The following LIPC variants were observed in gnomAD, a reference collection of about 807,000 sequenced individuals.
LIPC encodes the protein hepatic triacylglycerol lipase.
A neutral mutation model predicts 50.7 loss-of-function variants in LIPC; 44 were observed. The observed-to-expected ratio is 0.87, with a 90% CI of 0.68 to 1.11. The LOEUF (loss-of-function observed/expected upper bound fraction) is 1.11. Ranked by LOEUF, LIPC falls within the 50% of genes most tolerant of loss-of-function variation. LIPC has a pLI of 0.00. For synonymous variants in LIPC, 271 were observed against 256.4 expected (o/e 1.06, Z -0.54); for missense variants, 697 against 648.2 (o/e 1.08, Z -0.82).
chr15:58,527,643 A>G (rs992958998), intron 1 of LIPC, among the ~76,000 whole-genome samples: 2 of 152,152 alleles, frequency 1.3e-5, no homozygotes, highest in African/African-American at 2.4e-5. Flanking sequence ...ACTGTGTGAC[A>G]GTTGTTTATT....
At chr15:58,506,355 A>G (rs12898801) in intron 1 of LIPC, among the ~76,000 whole-genome samples, 93,435 of 151,946 alleles carry the variant, frequency 0.61, 28,798 homozygotes, top group East Asian at 0.72. Context: ...GCATGGGCAC[A>G]TTGAACGGGC....
At chr15:58,479,512 A>G (rs2140769165) in intron 1 of LIPC, among the ~76,000 whole-genome samples, 1 of 152,366 alleles carries the variant, frequency 6.6e-6, no homozygotes, top group Non-Finnish European at 1.5e-5. Flanking sequence ...GTCCGCCTAC[A>G]GAGGACTTCT....
chr15:58,468,190 C>G (rs1369881093), intron 1 of LIPC, among the ~76,000 whole-genome samples: 1 of 152,162 alleles, frequency 6.6e-6, no homozygotes, highest in African/African-American at 2.4e-5. Flanking sequence ...TTGGCTTACC[C>G]TTGTCTATAC....
chr15:58,436,920 G>C lies in LIPC; in HGVS notation c.88+4800G>C. On this transcript the variant is annotated intron_variant, in intron 1 of 8. Coordinates refer to ENST00000299022, the MANE Select transcript of LIPC (RefSeq NM_000236.3). The stretch of plus-strand genomic sequence containing the variant: ...CCTTTCAAAAAAGACCATCTAGGAA[G>C]AAAAAGAAAAAATATCCCATAGAAC... The C allele has an allele frequency of 4.5e-6, 2 of 448,792 alleles. 1 individual carries two copies. Among genetic ancestry groups the C allele is most frequent in the South Asian group, 3.2e-5 (2 of 62,916 alleles). The allele number at this position is 448,792 out of a possible 1,614,324, so 27.8% of individuals were successfully genotyped here.
chr15:58,437,147 C>T (rs1893326698), intron 1 of LIPC, among the ~76,000 whole-genome samples: 1 of 152,090 alleles, frequency 6.6e-6, no homozygotes, highest in African/African-American at 2.4e-5. Context: ...TATTGCTGGC[C>T]CCTAAGCACT....
At chr15:58,489,341 G>A (rs190243206) in intron 1 of LIPC, among the ~76,000 whole-genome samples, 18 of 151,412 alleles carry the variant, frequency 1.2e-4, no homozygotes, top group African/African-American at 2.7e-4. Flanking sequence ...CCAAGACCAC[G>A]CTATTGTAGT....
At chr15:58,502,042 C>G (rs1386908971) in intron 1 of LIPC, among the ~76,000 whole-genome samples, 5 of 152,052 alleles carry the variant, frequency 3.3e-5, no homozygotes, top group Admixed American at 3.3e-4. Flanking sequence ...GAGGCTGCAG[C>G]CAAAGATGCT....
At chr15:58,456,050 G>C (rs1363169051) in intron 1 of LIPC, 1 of 152,126 alleles carries the variant, frequency 6.6e-6, no homozygotes, top group Non-Finnish European at 1.5e-5. Flanking sequence ...AGGCTTCATG[G>C]GGGACAGAGA....
At chr15:58,487,584 T>C (rs551767095) in intron 1 of LIPC, among the ~76,000 whole-genome samples, 2 of 152,354 alleles carry the variant, frequency 1.3e-5, no homozygotes, top group Non-Finnish European at 2.9e-5. Context: ...GGACATATTA[T>C]TTACTACCTG....
chr15:58,483,185 T>A (rs1224341010), intron 1 of LIPC, among the ~76,000 whole-genome samples: 1 of 152,220 alleles, frequency 6.6e-6, no homozygotes, highest in Admixed American at 6.5e-5. Context: ...ATTTTTAGCA[T>A]TACTGAAATT....
intron 8 of LIPC, chr15:58,565,304 C>T (rs1315662719): frequency 1.7e-5 from 26 of 1,535,490 alleles, no homozygotes; most frequent in Non-Finnish European, 2.0e-5. Context: ...TGCCCAGATG[C>T]TCTTAGCTGG....
At chr15:58,448,389 C>A (rs8023503) in intron 1 of LIPC, among the ~76,000 whole-genome samples, 1 of 152,182 alleles carries the variant, frequency 6.6e-6, no homozygotes, top group Non-Finnish European at 1.5e-5. Flanking sequence ...TTCTGGGGCT[C>A]ACCTACAGTC....
intron 2 of LIPC, among the ~76,000 whole-genome samples, chr15:58,539,980 C>G (rs1893267007): frequency 6.6e-6 from 1 of 152,214 alleles, no homozygotes; most frequent in Non-Finnish European, 1.5e-5. Context: ...TGAGCACTCT[C>G]CACCACTGCT....
intron 1 of LIPC, among the ~76,000 whole-genome samples, chr15:58,501,220 T>C (rs1206660044): frequency 1.3e-5 from 2 of 152,066 alleles, no homozygotes; most frequent in Non-Finnish European, 2.9e-5. Flanking sequence ...TTGCAGTGAT[T>C]TCCTAACAGG....
intron 1 of LIPC, 97 bp from the exon 2 acceptor site, chr15:58,538,236 C>A (rs1893201220): frequency 8.4e-7 from 1 of 1,184,686 alleles, no homozygotes. Flanking sequence ...CCAGTAACCT[C>A]TTTGGCTTGT....
At chr15:58,538,308 C>T in intron 1 of LIPC, 25 bp from the exon 2 acceptor site, 1 of 1,612,852 alleles carries the variant, frequency 6.2e-7, no homozygotes, top group Non-Finnish European at 8.5e-7. Context: ...CCAGGCTAAG[C>T]ACCGTCCCCA....
At chr15:58,458,071 A>G (rs369709681) in intron 1 of LIPC, among the ~76,000 whole-genome samples, 2 of 152,244 alleles carry the variant, frequency 1.3e-5, no homozygotes, top group South Asian at 2.1e-4. Context: ...ATTAAATGGC[A>G]AAAGTCCTTG....
Position 58,541,843 on chromosome 15 carries a change from C to T in LIPC, c.332C>T (p.Pro111Leu), listed in dbSNP as rs562988299. 171 of 1,612,758 alleles carry T rather than the reference C, an allele frequency of 1.1e-4. No individual in the cohort carries two copies. The South Asian group carries it at 1.3e-3, about 12-fold the overall frequency. The change falls in exon 3 of 9, where the codon CCG (proline) becomes CTG (leucine). Residue 111 changes from proline (P) to leucine (L), a missense_variant. Transcript: ENST00000299022. ...WQMVAALKSQ[P>L]AQPVNVGLVD... is the part of the protein sequence containing the mutation. The stretch of plus-strand genomic sequence containing the variant: ...ATGGTGGCCGCGCTGAAGTCTCAGC[C>T]GGCCCAGCCAGTGAACGTGGGGCTG...
chr15:58,519,146 C>T (rs1325642574), intron 1 of LIPC, among the ~76,000 whole-genome samples: 3 of 152,066 alleles, frequency 2.0e-5, no homozygotes, highest in Admixed American at 6.5e-5. Flanking sequence ...CAGTGGCTCA[C>T]GCCTGTAATC....
Sources: gnomAD v4.1 joint callset for allele counts (sites outside exome capture counted in the v4.1 genomes callset) on GRCh38, gnomAD v4.1.1 for gene constraint, MANE v1.5 for transcripts, NCBI Gene and HGNC (gene_info 2026-07-23, HGNC 2026-07-21) for gene names.